Variants in XPO6 observed in about 807,000 individuals in gnomAD.
The protein encoded by XPO6 is exportin 6, also known as exportin-6.
XPO6 carries 3 observed loss-of-function variants against 130.0 expected under a neutral mutation model. That is an observed-to-expected ratio of 0.02 (90% CI 0.01 to 0.06). The LOEUF (loss-of-function observed/expected upper bound fraction) is 0.06, where lower values mean the gene tolerates loss of function less well. XPO6 is among the 10% of genes least tolerant of loss of function. The pLI, the probability that XPO6 is intolerant of heterozygous loss-of-function variation, is 1.00. For synonymous variants in XPO6, 524 were observed against 548.9 expected (o/e 0.95, Z 0.63); for missense variants, 970 against 1,393.0 (o/e 0.70, Z 4.83).
chr16:28,189,379 T>G (rs190269115), intron 1 of XPO6, among the ~76,000 whole-genome samples: 17 of 150,772 alleles, frequency 1.1e-4, no homozygotes, highest in African/African-American at 2.7e-4. Flanking sequence ...AGCAGGGCAA[T>G]CAGGGAAGCC....
At chr16:28,171,195 G>C (rs1291813669) in intron 4 of XPO6, among the ~76,000 whole-genome samples, 1 of 151,724 alleles carries the variant, frequency 6.6e-6, no homozygotes, top group Admixed American at 6.6e-5. Context: ...GTACGGGCTG[G>C]GCGTGGTGGC....
intron 2 of XPO6, among the ~76,000 whole-genome samples, chr16:28,178,603 A>G (rs78197708): frequency 3.8e-5 from 1 of 26,500 alleles, no homozygotes; most frequent in Non-Finnish European, 1.7e-4. Context: ...CTATTTAAAG[A>G]AAAAAAAAAA....
intron 1 of XPO6, among the ~76,000 whole-genome samples, chr16:28,203,181 G>A (rs1261150001): frequency 6.6e-6 from 1 of 151,908 alleles, no homozygotes; most frequent in Non-Finnish European, 1.5e-5. Flanking sequence ...AGGCTGAGGT[G>A]GGAGGATCGC....
At chr16:28,122,565 G>A (rs2087270357) in intron 13 of XPO6, among the ~76,000 whole-genome samples, 2 of 152,050 alleles carry the variant, frequency 1.3e-5, no homozygotes, top group South Asian at 4.1e-4. Flanking sequence ...GACTAAGCCA[G>A]GATCATGCCA....
chr16:28,168,146 T>G (rs893590285), intron 5 of XPO6, among the ~76,000 whole-genome samples: 2 of 152,186 alleles, frequency 1.3e-5, no homozygotes, highest in East Asian at 3.8e-4. Flanking sequence ...GTATAAAACA[T>G]GGTCCCTAAC....
At chr16:28,160,699 G>A (rs570321040) in intron 6 of XPO6, among the ~76,000 whole-genome samples, 2 of 151,948 alleles carry the variant, frequency 1.3e-5, no homozygotes, top group African/African-American at 2.4e-5. Flanking sequence ...TACAGCACTA[G>A]GTCTCAAATG....
intron 6 of XPO6, among the ~76,000 whole-genome samples, chr16:28,160,871 C>T (rs2043267823): frequency 6.6e-6 from 1 of 152,074 alleles, no homozygotes; most frequent in African/African-American, 2.4e-5. Context: ...GTTAGCATAA[C>T]ATTTTTAAAT....
At chr16:28,116,360 G>A (rs1031200579) in intron 15 of XPO6, among the ~76,000 whole-genome samples, 32 of 152,154 alleles carry the variant, frequency 2.1e-4, no homozygotes, top group Non-Finnish European at 4.0e-4. Context: ...TACTCAAGAG[G>A]CTGAGGCAGG....
intron 9 of XPO6, among the ~76,000 whole-genome samples, chr16:28,141,940 A>AG (rs2042902167): frequency 6.6e-6 from 1 of 152,256 alleles, no homozygotes; most frequent in Non-Finnish European, 1.5e-5. Flanking sequence ...TGACCAGGCA[A>AG]GTGAGCATGC....
rs116209079 is a variant in XPO6 at position 28,166,741 on chromosome 16, G to A, written c.566-156C>T. 1,058 of 985,336 alleles carry A rather than the reference G, an allele frequency of 1.1e-3. 11 individuals are homozygous for A. In the African/African-American group the frequency reaches 0.017, roughly 16 times the overall value. 61.0% of individuals were successfully genotyped at this position (985,336 alleles called of 1,614,324 possible). A position where few individuals can be genotyped will look rare whatever the true frequency, so the allele number is the denominator to read the frequency against. On this transcript the variant is annotated intron_variant, in intron 5 of 23. Coordinates refer to ENST00000304658, the MANE Select transcript of XPO6 (RefSeq NM_015171.4). ...CCTCCAGCTAGCGGCTGTGCCTCTC[G>A]ACTTCACAGCTATCTTCTGGCTCTC...
intron 6 of XPO6, among the ~76,000 whole-genome samples, chr16:28,159,046 A>G (rs2043229047): frequency 6.6e-6 from 1 of 152,114 alleles, no homozygotes; most frequent in African/African-American, 2.4e-5. Flanking sequence ...CTTGGGCAAC[A>G]TAGCGACACC....
chr16:28,181,526 T>TC (rs1289375551), intron 1 of XPO6, among the ~76,000 whole-genome samples: 1 of 151,640 alleles, frequency 6.6e-6, no homozygotes, highest in African/African-American at 2.4e-5. Flanking sequence ...TGGTTTTTTT[T>TC]TTTTTAAGAG....
At chr16:28,211,312 C>G in intron 1 of XPO6, 54 bp downstream of exon 1, 2 of 1,309,496 alleles carry the variant, frequency 1.5e-6, no homozygotes, top group South Asian at 3.2e-5. Context: ...GGGGCCCATT[C>G]CCACCCTTCC....
rs1027618216 is a variant in XPO6, at chr16:28,195,179, T to C, written c.4-14148A>G. The stretch of plus-strand genomic sequence containing the variant: ...GGCCAAGACAAGTCAGCAATATTTA[T>C]CAAATTTCAAACACAAAGACAACCT... On this transcript the variant is annotated intron_variant, in intron 1 of 23. Coordinates refer to ENST00000304658, the MANE Select transcript of XPO6 (RefSeq NM_015171.4). Among the ~76,000 whole-genome samples, 12 of 152,156 alleles carry C rather than the reference T, an allele frequency of 7.9e-5. No homozygotes were observed. In the East Asian group the frequency reaches 1.9e-3, roughly 24 times the overall value.
intron 9 of XPO6, among the ~76,000 whole-genome samples, chr16:28,138,451 A>G (rs1004047263): frequency 3.5e-5 from 5 of 142,312 alleles, no homozygotes; most frequent in Non-Finnish European, 7.8e-5. Context: ...GCAATTGGCA[A>G]CTCTGGCTGC....
At chr16:28,197,548 A>T (rs1276406571) in intron 1 of XPO6, among the ~76,000 whole-genome samples, 1 of 152,182 alleles carries the variant, frequency 6.6e-6, no homozygotes, top group East Asian at 1.9e-4. Flanking sequence ...GCTGATGAGG[A>T]TATTTATCTA....
chr16:28,158,350 A>C (rs1375840749), intron 6 of XPO6, among the ~76,000 whole-genome samples: 2 of 152,230 alleles, frequency 1.3e-5, no homozygotes, highest in African/African-American at 4.8e-5. Flanking sequence ...CAGAGGCTAC[A>C]TCACATGGGA....
At chr16:28,197,464 A>T (rs1305256515) in intron 1 of XPO6, among the ~76,000 whole-genome samples, 1 of 152,198 alleles carries the variant, frequency 6.6e-6, no homozygotes, top group African/African-American at 2.4e-5. Context: ...ACAGAAAAAG[A>T]TACTGAGGAA....
rs2043182171 is a variant in XPO6 at position 28,156,238 on chromosome 16, C to G, written c.933G>C (p.Leu311=). The G allele has an allele frequency of 6.2e-7, 1 of 1,614,114 alleles. No homozygotes were observed. Among genetic ancestry groups the G allele is most frequent in the Non-Finnish European group, 8.5e-7 (1 of 1,180,006 alleles). ...SGQERGRLGV[L]AMSCINELMS... is the part of the protein sequence containing the mutation. ...TGAGTTCATTGATGCAGGACATGGC[C>G]AGGACCCCCAGCCGGCCGCGCTCCT... The change falls in exon 7 of 24, where the codon CTG becomes CTC. Residue 311 remains leucine, a synonymous_variant. Coordinates refer to ENST00000304658, the MANE Select transcript of XPO6 (RefSeq NM_015171.4).
Sources: gnomAD v4.1 joint callset for allele counts (sites outside exome capture counted in the v4.1 genomes callset) on GRCh38, gnomAD v4.1.1 for gene constraint, MANE v1.5 for transcripts, NCBI Gene and HGNC (gene_info 2026-07-23, HGNC 2026-07-21) for gene names.